SPATA12: variants seen among roughly 807,000 people sequenced by gnomAD.
The protein encoded by SPATA12 is spermatogenesis-associated protein 12.
For missense variants in SPATA12, 219 were observed against 226.4 expected, an observed-to-expected ratio of 0.97 and a Z score of 0.21; for synonymous variants, 85 against 89.2, an observed-to-expected ratio of 0.95 and a Z score of 0.26.
chr3:57,063,621 TG>T (rs1579198963), intron 1 of SPATA12, among the ~76,000 whole-genome samples: 1 of 151,898 alleles, frequency 6.6e-6, no homozygotes, highest in East Asian at 1.9e-4. Context: ...AACAGAGATG[TG>T]GGAAGAGGAT....
chr3:57,068,077 G>T (rs945536896), intron 1 of SPATA12, among the ~76,000 whole-genome samples: 1 of 152,066 alleles, frequency 6.6e-6, no homozygotes, highest in Non-Finnish European at 1.5e-5. Flanking sequence ...GGAGGCCAAG[G>T]CAAGAGGATC....
chr3:57,070,690 G>A (rs1222154744), intron 1 of SPATA12, among the ~76,000 whole-genome samples: 2 of 152,132 alleles, frequency 1.3e-5, no homozygotes, highest in South Asian at 2.1e-4. Context: ...TGGGCACAGT[G>A]GCTAACACCT....
intron 1 of SPATA12, among the ~76,000 whole-genome samples, chr3:57,063,429 T>A (rs1328556343): frequency 2.0e-5 from 3 of 152,088 alleles, no homozygotes; most frequent in Non-Finnish European, 2.9e-5. Flanking sequence ...AGGCAGAGGC[T>A]TGGAGGCCGC....
Position 57,074,334 on chromosome 3 carries a change from C to A in SPATA12, c.*67C>A. On this transcript the variant is annotated 3_prime_UTR_variant, in exon 2 of 2. Transcript: ENST00000334325. ...TGTCTGGGCCTTTGCACATGCTATG[C>A]CCTCCCTTCCATCCCCCACCCCCAC... 5 of 1,401,328 alleles carry A rather than the reference C, an allele frequency of 3.6e-6. No individual in the cohort carries two copies. Among genetic ancestry groups the A allele is most frequent in the Non-Finnish European group, 5.0e-6 (5 of 1,008,714 alleles). The allele number at this position is 1,401,328 out of a possible 1,614,324, so 86.8% of individuals were successfully genotyped here. A position where few individuals can be genotyped will look rare whatever the true frequency, so the allele number is the denominator to read the frequency against.
At chr3:57,062,042 A>C (rs1180821882) in intron 1 of SPATA12, among the ~76,000 whole-genome samples, 5 of 152,062 alleles carry the variant, frequency 3.3e-5, no homozygotes, top group Non-Finnish European at 5.9e-5. Context: ...AGGATCAAGT[A>C]AAAAAAGAGA....
At chr3:57,063,859 C>T (rs1258990271) in intron 1 of SPATA12, among the ~76,000 whole-genome samples, 1 of 152,228 alleles carries the variant, frequency 6.6e-6, no homozygotes, top group Non-Finnish European at 1.5e-5. Flanking sequence ...AATGGGATAG[C>T]AGCATCATTC....
chr3:57,069,629 T>C (rs1054667337), intron 1 of SPATA12, among the ~76,000 whole-genome samples: 11 of 139,472 alleles, frequency 7.9e-5, no homozygotes, highest in Non-Finnish European at 1.7e-4. Flanking sequence ...CATAAGTACA[T>C]GTCAGGGTGT....
chr3:57,074,843 G>A lies in SPATA12; in HGVS notation c.*576G>A, dbSNP rs1706136483. On this transcript the variant is annotated 3_prime_UTR_variant, in exon 2 of 2. Transcript: ENST00000334325. ...GCTCATTCCCCAGGTGGCAGTTTCA[G>A]AACACATTGCTCAGGTCTCACCCTG... 1.2e-5 allele frequency: 2 copies of A among 168,412 alleles called. No homozygotes were observed. The highest frequency in any genetic ancestry group is 1.3e-4 in the Admixed American group (2 of 15,518). 10.4% of individuals were successfully genotyped at this position (168,412 alleles called of 1,614,324 possible).
intron 1 of SPATA12, among the ~76,000 whole-genome samples, chr3:57,072,828 C>T (rs996531313): frequency 6.6e-6 from 1 of 151,764 alleles, no homozygotes; most frequent in Admixed American, 6.6e-5. Context: ...GGGTGGATCA[C>T]GAGGTCAGGA....
At chr3:57,069,940 T>C (rs1291131631) in intron 1 of SPATA12, among the ~76,000 whole-genome samples, 1 of 152,260 alleles carries the variant, frequency 6.6e-6, no homozygotes, top group Non-Finnish European at 1.5e-5. Flanking sequence ...CCACTGCGCC[T>C]GGCCTAAACT....
At position 57,073,800 on chromosome 3, in the gene SPATA12, G is replaced by C; in HGVS notation, c.106G>C (p.Gly36Arg). The C allele has an allele frequency of 6.2e-7, 1 of 1,614,216 alleles. No homozygotes were observed. Among genetic ancestry groups the C allele is most frequent in the Non-Finnish European group, 8.5e-7 (1 of 1,180,048 alleles). Residue 36 changes from glycine (G) to arginine (R), a missense_variant, in exon 2 of 2, where the codon GGC (glycine) becomes CGC (arginine). Coordinates refer to ENST00000334325, the MANE Select transcript of SPATA12 (RefSeq NM_181727.2). ...CAGACTCGTTCCATGGCCACCCAGA[G>C]GCCTTGGGTCATCCACCCAACATCC... The part of the protein sequence containing the change: ...SSRLVPWPPR[G>R]LGSSTQHPNK...
Position 57,074,233 on chromosome 3 carries a change from T to C in SPATA12, c.539T>C (p.Val180Ala), listed in dbSNP as rs766613348. 1.1e-5 allele frequency: 17 copies of C among 1,613,902 alleles called. No individual in the cohort carries two copies. The highest frequency in any genetic ancestry group is 6.7e-5 in the Admixed American group (4 of 59,984). Reference sequence around the variant, plus strand: ...TGCTTTGTCAGGTCCCTCTCTACAGTATACTCCAACACACACATACACACA... The same window carrying C: ...TGCTTTGTCAGGTCCCTCTCTACAGCATACTCCAACACACACATACACACA... ...EGCFVRSLSTVYSNTHIHTHL is the reference protein window; with the variant it reads ...EGCFVRSLSTAYSNTHIHTHL Residue 180 changes from valine to alanine, a missense_variant, in exon 2 of 2, where the codon GTA becomes GCA. By Grantham distance (64) the Val-to-Ala change is moderately conservative. Transcript: ENST00000334325.
At chr3:57,067,823 A>C (rs1156997948) in intron 1 of SPATA12, among the ~76,000 whole-genome samples, 4 of 151,350 alleles carry the variant, frequency 2.6e-5, no homozygotes, top group Admixed American at 6.6e-5. Context: ...ACTAAAAAAA[A>C]AAAACAAAAC....
At position 57,074,229 on chromosome 3, in the gene SPATA12, A is replaced by G. The variant is rs760300061; in HGVS notation, c.535A>G (p.Thr179Ala). The part of the protein sequence containing the change: ...TEGCFVRSLS[T>A]VYSNTHIHTH... The stretch of plus-strand genomic sequence containing the variant: ...GGGCTGCTTTGTCAGGTCCCTCTCT[A>G]CAGTATACTCCAACACACACATACA... Residue 179 changes from threonine (T) to alanine (A), a missense_variant, in exon 2 of 2, where the codon ACA becomes GCA. Physicochemically the swap from Thr to Ala is moderately conservative, Grantham distance 58. Transcript: ENST00000334325. 1 of 1,614,024 alleles carries G rather than the reference A, an allele frequency of 6.2e-7. No homozygotes were observed. The highest frequency in any genetic ancestry group is 8.5e-7 in the Non-Finnish European group (1 of 1,180,012).
Position 57,073,545 on chromosome 3 carries a change from G to A in SPATA12, c.-150G>A. ...GGTTTGGCTCTGTTTGAGCACCCCG[G>A]GATGATTGGTGGTGGGGTGTGGCTG... On this transcript the variant is annotated 5_prime_UTR_variant, in exon 2 of 2. Transcript: ENST00000334325. 5.3e-6 allele frequency: 7 copies of A among 1,332,498 alleles called. No individual in the cohort carries two copies. Among genetic ancestry groups the A allele is most frequent in the Non-Finnish European group, 7.0e-6 (7 of 1,005,420 alleles). 82.5% of individuals were successfully genotyped at this position (1,332,498 alleles called of 1,614,324 possible).
At chr3:57,069,322 T>C (rs1705746414) in intron 1 of SPATA12, among the ~76,000 whole-genome samples, 1 of 152,044 alleles carries the variant, frequency 6.6e-6, no homozygotes, top group Non-Finnish European at 1.5e-5. Context: ...TCATGCTTTT[T>C]TAAATTGCTT....
chr3:57,060,846 A>ACAC (rs927165133), intron 1 of SPATA12, 60 bp downstream of exon 1: 1 of 142,592 alleles, frequency 7.0e-6, no homozygotes, highest in Admixed American at 7.5e-5. Flanking sequence ...ACATGGGCAC[A>ACAC]CACCACCACC....
intron 1 of SPATA12, among the ~76,000 whole-genome samples, chr3:57,061,926 G>C (rs904013804): frequency 2.6e-5 from 4 of 152,174 alleles, no homozygotes; most frequent in African/African-American, 7.2e-5. Context: ...GATTTAAATT[G>C]TTTCTCCGGT....
At position 57,073,596 on chromosome 3, in the gene SPATA12, G is replaced by T; in HGVS notation, c.-99G>T. ...AAGGTGAATTGGAACAGTGCACTCA[G>T]AGCCAGGTTGCAAGAGTGCTGCATG... On this transcript the variant is annotated 5_prime_UTR_variant, in exon 2 of 2. Coordinates refer to ENST00000334325, the MANE Select transcript of SPATA12 (RefSeq NM_181727.2). 6.8e-7 allele frequency: 1 copy of T among 1,470,382 alleles called. No homozygotes were observed. 91.1% of individuals were successfully genotyped at this position (1,470,382 alleles called of 1,614,324 possible).
Sources: gnomAD v4.1 joint callset for allele counts (sites outside exome capture counted in the v4.1 genomes callset) on GRCh38, gnomAD v4.1.1 for gene constraint, MANE v1.5 for transcripts, NCBI Gene and HGNC (gene_info 2026-07-23, HGNC 2026-07-21) for gene names.